Variants in ALPK1 observed in about 807,000 individuals in gnomAD.
ALPK1 encodes alpha-protein kinase 1.
In ALPK1, 110 loss-of-function variants were observed where a neutral mutation model predicts 120.6. The observed-to-expected ratio is 0.91, with a 90% CI of 0.78 to 1.07. The LOEUF (loss-of-function observed/expected upper bound fraction) is 1.07, where lower values mean the gene tolerates loss of function less well. ALPK1 is among the 50% of genes least tolerant of loss of function. The pLI is 0.00. For synonymous variants in ALPK1, 582 were observed against 560.3 expected (o/e 1.04, Z -0.55); for missense variants, 1,498 against 1,483.9 (o/e 1.01, Z -0.16).
Position 112,402,170 on chromosome 4 carries a change from C to T in ALPK1, c.277-9657C>T, listed in dbSNP as rs1226424950. On this transcript the variant is annotated intron_variant, in intron 4 of 15. Transcript: ENST00000650871. ...CCACCTCCCTTCCATATTTCCCTGCCTTTTACCAATCTCCCAATTTGTTAT... is the reference window on the plus strand; with the variant it reads ...CCACCTCCCTTCCATATTTCCCTGCTTTTTACCAATCTCCCAATTTGTTAT... Among the ~76,000 whole-genome samples, 4 of 152,230 alleles carry T rather than the reference C, an allele frequency of 2.6e-5. No individual in the cohort carries two copies. The East Asian group carries it at 7.7e-4, about 29-fold the overall frequency.
At chr4:112,387,379 G>T (rs1430392218) in intron 4 of ALPK1, among the ~76,000 whole-genome samples, 2 of 152,228 alleles carry the variant, frequency 1.3e-5, no homozygotes, top group Non-Finnish European at 2.9e-5. Flanking sequence ...AACATTCCCT[G>T]CACAGGTTTG....
At chr4:112,387,828 T>C (rs143663696) in intron 4 of ALPK1, among the ~76,000 whole-genome samples, 5 of 152,380 alleles carry the variant, frequency 3.3e-5, no homozygotes, top group African/African-American at 9.6e-5. Context: ...GTTTGTTATG[T>C]AGGTAAACTT....
intron 4 of ALPK1, among the ~76,000 whole-genome samples, chr4:112,389,821 G>A (rs1015358023): frequency 2.6e-5 from 4 of 152,194 alleles, no homozygotes; most frequent in Non-Finnish European, 4.4e-5. Context: ...TCAGGGTCCA[G>A]TAGAATAAGC....
At chr4:112,310,603 C>T (rs1372497255) in intron 1 of ALPK1, among the ~76,000 whole-genome samples, 3 of 152,020 alleles carry the variant, frequency 2.0e-5, no homozygotes, top group Non-Finnish European at 4.4e-5. Context: ...AAATGGGAAC[C>T]TGCAGTACAG....
At chr4:112,314,458 TTGA>T (rs1272046377) in intron 1 of ALPK1, among the ~76,000 whole-genome samples, 1 of 152,162 alleles carries the variant, frequency 6.6e-6, no homozygotes, top group Non-Finnish European at 1.5e-5. Flanking sequence ...GTTGCTGTGA[TTGA>T]TGATAACAAA....
rs1028027570 is a variant in ALPK1, at chr4:112,356,336, T to G, written c.-100-21342T>G. The G allele has an allele frequency of 3.8e-5, 34 of 884,194 alleles. No homozygotes were observed. The Admixed American group carries it at 5.8e-4, about 15-fold the overall frequency. The allele number at this position is 884,194 out of a possible 1,614,324, so 54.8% of individuals were successfully genotyped here. On this transcript the variant is annotated intron_variant, in intron 2 of 15. Coordinates refer to ENST00000650871, the MANE Select transcript of ALPK1 (RefSeq NM_025144.4). Reference sequence around the variant, plus strand: ...ACACCTCCAAGACACCATCTTTGCCTGCAATTTTGCCGATAGGGTGCAAGG... The same window carrying G: ...ACACCTCCAAGACACCATCTTTGCCGGCAATTTTGCCGATAGGGTGCAAGG...
At position 112,324,340 on chromosome 4, in the gene ALPK1, AG is replaced by A. The variant is rs1171029867; in HGVS notation, c.-101+8489del. Among the ~76,000 whole-genome samples the A allele has an allele frequency of 4.4e-3, 319 of 72,464 alleles. 4 individuals are homozygous for A. Among genetic ancestry groups the A allele is most frequent in the Admixed American group, 0.025 (153 of 6,164 alleles). 47.5% of individuals were successfully genotyped at this position (72,464 alleles called of 152,430 possible). A position where few individuals can be genotyped will look rare whatever the true frequency, so the allele number is the denominator to read the frequency against. On this transcript the variant is annotated intron_variant, in intron 2 of 15. Coordinates refer to ENST00000650871, the MANE Select transcript of ALPK1 (RefSeq NM_025144.4). ...AGACTCCATCTCAGAAAAAAAAAAA[AG>A]AAAAAAAAAAGCCTGCTCTTTGTCC...
chr4:112,358,000 T>C, intron 2 of ALPK1: 1 of 653,468 alleles, frequency 1.5e-6, no homozygotes, highest in Non-Finnish European at 2.9e-6. Flanking sequence ...GGGGAAACAC[T>C]AGCGAGGGGC....
chr4:112,359,746 A>G, intron 2 of ALPK1: 2 of 363,734 alleles, frequency 5.5e-6, no homozygotes, highest in South Asian at 2.3e-5. Flanking sequence ...TGGGGCCTCT[A>G]GGACGTGCCC....
chr4:112,415,423 G>A (rs1733695377), intron 5 of ALPK1, among the ~76,000 whole-genome samples: 1 of 152,194 alleles, frequency 6.6e-6, no homozygotes, highest in African/African-American at 2.4e-5. Flanking sequence ...ATTACCTGAA[G>A]TCAGGAGTTC....
chr4:112,383,891 C>A (rs112087826), intron 4 of ALPK1: 1 of 152,116 alleles, frequency 6.6e-6, no homozygotes, highest in Non-Finnish European at 1.5e-5. Context: ...AGCTCAGAAC[C>A]CTTACATTAG....
At chr4:112,368,325 T>C (rs1731248392) in intron 2 of ALPK1, among the ~76,000 whole-genome samples, 1 of 152,232 alleles carries the variant, frequency 6.6e-6, no homozygotes, top group Admixed American at 6.5e-5. Context: ...ATGCTTTCTC[T>C]ATAGCTTATG....
At chr4:112,331,376 G>T (rs911791716) in intron 2 of ALPK1, among the ~76,000 whole-genome samples, 3 of 152,150 alleles carry the variant, frequency 2.0e-5, no homozygotes, top group Admixed American at 2.0e-4. Context: ...ATATCCATAC[G>T]TGTATCTCTA....
chr4:112,358,282 C>T (rs17444073), intron 2 of ALPK1: 8,461 of 594,412 alleles, frequency 0.014, 159 homozygotes, highest in South Asian at 0.043. Context: ...TGCGTCCCTA[C>T]GTCAGGGTGT....
chr4:112,360,402 C>A lies in ALPK1; in HGVS notation c.-100-17276C>A, dbSNP rs554010478. Among the ~76,000 whole-genome samples the A allele has an allele frequency of 3.3e-5, 5 of 152,212 alleles. No homozygotes were observed. In the South Asian group the frequency reaches 1.0e-3, roughly 32 times the overall value. On this transcript the variant is annotated intron_variant, in intron 2 of 15. Coordinates refer to ENST00000650871, the MANE Select transcript of ALPK1 (RefSeq NM_025144.4). ...GCCATGAATATGGAAGTGCAGAAAT[C>A]TCTTCTATGCATTGTTGTTGCTGTA... is the stretch of plus-strand genomic sequence containing the variant.
At chr4:112,433,383 A>G (rs892046757) in intron 11 of ALPK1, among the ~76,000 whole-genome samples, 7 of 152,294 alleles carry the variant, frequency 4.6e-5, no homozygotes, top group African/African-American at 1.7e-4. Flanking sequence ...CATCCCATCT[A>G]TGAGGAATCT....
At chr4:112,426,417 A>G in intron 7 of ALPK1, 50 bp from the exon 8 acceptor site, 2 of 1,407,332 alleles carry the variant, frequency 1.4e-6, no homozygotes, top group Admixed American at 1.8e-5. Flanking sequence ...GAGCACAGAT[A>G]CTAGCTGTTC....
intron 2 of ALPK1, among the ~76,000 whole-genome samples, chr4:112,336,046 C>T: frequency 6.6e-6 from 1 of 152,226 alleles, no homozygotes; most frequent in East Asian, 1.9e-4. Context: ...TGGCTGGAGT[C>T]TACCTCTCAA....
At chr4:112,329,863 CAATA>C (rs1446545018) in intron 2 of ALPK1, among the ~76,000 whole-genome samples, 3 of 152,160 alleles carry the variant, frequency 2.0e-5, no homozygotes, top group African/African-American at 7.2e-5. Flanking sequence ...GGTAAGTACT[CAATA>C]AATACTGGTC....
Sources: gnomAD v4.1 joint callset for allele counts (sites outside exome capture counted in the v4.1 genomes callset) on GRCh38, gnomAD v4.1.1 for gene constraint, MANE v1.5 for transcripts, NCBI Gene and HGNC (gene_info 2026-07-23, HGNC 2026-07-21) for gene names.